GABPB1: variants seen among roughly 807,000 people sequenced by gnomAD.
GABPB1 encodes GA-binding protein subunit beta-1.
In GABPB1, 15 loss-of-function variants were observed where a neutral mutation model predicts 45.9. That is an observed-to-expected ratio of 0.33 (90% CI 0.22 to 0.50). GABPB1 has a LOEUF of 0.50. Among genes scored for constraint, GABPB1 ranks in the 20% least tolerant of loss-of-function variants. The pLI is 0.98. For synonymous variants in GABPB1, 143 were observed against 154.4 expected, an observed-to-expected ratio of 0.93 and a Z score of 0.55; for missense variants, 252 against 457.5, an observed-to-expected ratio of 0.55 and a Z score of 4.10.
At chr15:50,319,882 T>C (rs1328959920) in intron 1 of GABPB1, among the ~76,000 whole-genome samples, 1 of 151,968 alleles carries the variant, frequency 6.6e-6, no homozygotes, top group East Asian at 1.9e-4. Flanking sequence ...AACAAACACA[T>C]GTTTACTGTA....
At chr15:50,354,607 A>T (rs1445480656) in intron 1 of GABPB1, 1 of 445,760 alleles carries the variant, frequency 2.2e-6, no homozygotes, top group Non-Finnish European at 4.5e-6. Context: ...TCGCCCGCAG[A>T]ACCTCCGCTG....
chr15:50,353,216 T>C (rs1216589819), intron 1 of GABPB1: 1 of 152,226 alleles, frequency 6.6e-6, no homozygotes, highest in Non-Finnish European at 1.5e-5. Context: ...TTATGCAGTC[T>C]TCATCTGTGA....
At chr15:50,333,827 G>A (rs565177801) in intron 1 of GABPB1, among the ~76,000 whole-genome samples, 7 of 152,036 alleles carry the variant, frequency 4.6e-5, no homozygotes, top group South Asian at 4.2e-4. Flanking sequence ...TCAGGAGTTC[G>A]AGACCAGCCT....
At chr15:50,326,422 C>A (rs1038414522) in intron 1 of GABPB1, among the ~76,000 whole-genome samples, 7 of 151,986 alleles carry the variant, frequency 4.6e-5, no homozygotes, top group African/African-American at 1.7e-4. Context: ...CTTTGGGAGG[C>A]TGAGGTGGGT....
At chr15:50,319,825 G>C (rs564282875) in intron 1 of GABPB1, among the ~76,000 whole-genome samples, 14 of 151,524 alleles carry the variant, frequency 9.2e-5, no homozygotes, top group African/African-American at 3.1e-4. Flanking sequence ...GCGACAGAGT[G>C]AGACTCCGTC....
chr15:50,305,101 T>A (rs1408376629), intron 2 of GABPB1, among the ~76,000 whole-genome samples: 1 of 152,138 alleles, frequency 6.6e-6, no homozygotes, highest in Non-Finnish European at 1.5e-5. Flanking sequence ...GAAGGAAGAT[T>A]AAGTTCTATC....
intron 7 of GABPB1, 116 bp from the exon 8 acceptor site, chr15:50,286,299 A>G: frequency 1.5e-6 from 1 of 677,164 alleles, no homozygotes; most frequent in Non-Finnish European, 2.2e-6. Context: ...CCAAAACAAT[A>G]ATTCCAAATC....
intron 6 of GABPB1, among the ~76,000 whole-genome samples, chr15:50,293,935 A>C (rs1236272000): frequency 1.3e-5 from 2 of 152,108 alleles, no homozygotes; most frequent in African/African-American, 4.8e-5. Context: ...AAGCCTAAAA[A>C]CTCTTAAAAG....
chr15:50,347,766 C>T (rs888715840), intron 1 of GABPB1, among the ~76,000 whole-genome samples: 4 of 152,022 alleles, frequency 2.6e-5, no homozygotes, highest in African/African-American at 9.7e-5. Context: ...TAAAGAATCA[C>T]TACTATAGGC....
chr15:50,315,136 CTTTCT>C (rs967707943), intron 1 of GABPB1, among the ~76,000 whole-genome samples: 11 of 151,956 alleles, frequency 7.2e-5, no homozygotes, highest in Non-Finnish European at 1.6e-4. Context: ...CTATGATTTT[CTTTCT>C]TTTCTTTTGA....
Position 50,285,881 on chromosome 15 carries a change from T to A in GABPB1, c.999+187A>T, listed in dbSNP as rs2046135815. ...ATAAACAAATTCTTCACTCACTCAT[T>A]CATTCATTCAATATTTATTTATTGA... On this transcript the variant is annotated intron_variant, in intron 8 of 8. Transcript: ENST00000380877. 5 of 1,361,378 alleles carry A rather than the reference T, an allele frequency of 3.7e-6. No individual in the cohort carries two copies. In the Admixed American group the frequency reaches 1.7e-4, roughly 47 times the overall value. 84.3% of individuals were successfully genotyped at this position (1,361,378 alleles called of 1,614,324 possible).
At chr15:50,312,606 T>C (rs1330922447) in intron 1 of GABPB1, among the ~76,000 whole-genome samples, 1 of 152,162 alleles carries the variant, frequency 6.6e-6, no homozygotes, top group Non-Finnish European at 1.5e-5. Context: ...CCGACCTCTC[T>C]CCTACAGAAG....
chr15:50,292,053 G>C (rs772823886), intron 6 of GABPB1, among the ~76,000 whole-genome samples: 1 of 151,784 alleles, frequency 6.6e-6, no homozygotes, highest in Non-Finnish European at 1.5e-5. Flanking sequence ...AAATCATTGC[G>C]GCCGGGCGCG....
At position 50,354,654 on chromosome 15, in the gene GABPB1, C is replaced by T. The variant is rs544296975; in HGVS notation, c.-1+331G>A. On this transcript the variant is annotated intron_variant, in intron 1 of 8. Coordinates refer to ENST00000380877, the MANE Select transcript of GABPB1 (RefSeq NM_016654.5). ...CCCCATCGCCACCCCGGGGCTGCCG[C>T]TCGGGACCGGCAAGCCGGGTAGCCG... The T allele has an allele frequency of 2.2e-3, 946 of 431,282 alleles. 8 individuals carry two copies. Among genetic ancestry groups the T allele is most frequent in the African/African-American group, 0.019 (871 of 46,302 alleles). 26.7% of individuals were successfully genotyped at this position (431,282 alleles called of 1,614,324 possible).
intron 2 of GABPB1, among the ~76,000 whole-genome samples, chr15:50,306,013 C>T (rs1054902628): frequency 6.6e-6 from 1 of 151,882 alleles, no homozygotes; most frequent in African/African-American, 2.4e-5. Flanking sequence ...CTTGCTCTGT[C>T]GCCCAGGCTA....
chr15:50,311,868 C>T (rs1268974831), intron 1 of GABPB1, among the ~76,000 whole-genome samples: 1 of 152,000 alleles, frequency 6.6e-6, no homozygotes, highest in Non-Finnish European at 1.5e-5. Flanking sequence ...CAGAATTATG[C>T]CTATAATTTT....
chr15:50,303,525 T>C (rs1393039148), intron 3 of GABPB1, among the ~76,000 whole-genome samples: 1 of 151,806 alleles, frequency 6.6e-6, no homozygotes, highest in East Asian at 1.9e-4. Flanking sequence ...CTACTAAAAA[T>C]ACAAAAATTA....
At position 50,304,433 on chromosome 15, in the gene GABPB1, G is replaced by A. The variant is rs62022566; in HGVS notation, c.109-300C>T. Among the ~76,000 whole-genome samples the A allele has an allele frequency of 1.3e-4, 20 of 152,216 alleles. No homozygotes were observed. The East Asian group carries it at 1.9e-3, about 15-fold the overall frequency. On this transcript the variant is annotated intron_variant, in intron 2 of 8. Coordinates refer to ENST00000380877, the MANE Select transcript of GABPB1 (RefSeq NM_016654.5). Reference sequence around the variant, plus strand: ...CATTAGAAATTAAGATATAGAGGCCGAACGTGGTGGCTCACGCCTGTAATC... The same window carrying A: ...CATTAGAAATTAAGATATAGAGGCCAAACGTGGTGGCTCACGCCTGTAATC...
chr15:50,291,460 A>G (rs2140991626), intron 6 of GABPB1, among the ~76,000 whole-genome samples: 1 of 151,648 alleles, frequency 6.6e-6, no homozygotes, highest in East Asian at 1.9e-4. Context: ...CTGGGAATAC[A>G]GGTGTGTGCC....
Sources: allele counts gnomAD v4.1 joint callset (sites outside exome capture counted in the v4.1 genomes callset), GRCh38; gene constraint gnomAD v4.1.1; transcripts MANE v1.5; gene names NCBI Gene and HGNC (gene_info 2026-07-23, HGNC 2026-07-21).